KAT7: variants seen among roughly 807,000 people sequenced by gnomAD.
The protein encoded by KAT7 is histone acetyltransferase KAT7.
In KAT7, 10 loss-of-function variants were observed where a neutral mutation model predicts 82.1. The ratio of observed to expected loss-of-function variants is 0.12; its 90% CI spans 0.08 to 0.21. The LOEUF (loss-of-function observed/expected upper bound fraction) is 0.21, where lower values mean the gene tolerates loss of function less well. Ranked by LOEUF, KAT7 falls within the 10% of genes least tolerant of loss-of-function variation. KAT7 has a pLI of 1.00. For synonymous variants in KAT7, 250 were observed against 262.5 expected (o/e 0.95, Z 0.46); for missense variants, 378 against 760.9 (o/e 0.50, Z 5.92).
chr17:49,804,150 C>T (rs960070952), intron 4 of KAT7, among the ~76,000 whole-genome samples: 4 of 152,184 alleles, frequency 2.6e-5, no homozygotes, highest in South Asian at 4.2e-4. Flanking sequence ...GAGGCTGAGG[C>T]GGGCAGATCA....
intron 2 of KAT7, among the ~76,000 whole-genome samples, chr17:49,796,532 C>T (rs1172914213): frequency 6.6e-6 from 1 of 152,184 alleles, no homozygotes; most frequent in Non-Finnish European, 1.5e-5. Flanking sequence ...GTCCTAATTC[C>T]AGAACCTAAA....
intron 7 of KAT7, among the ~76,000 whole-genome samples, chr17:49,814,276 G>T (rs1351832721): frequency 6.6e-6 from 1 of 152,160 alleles, no homozygotes; most frequent in South Asian, 2.1e-4. Context: ...GATGGGTTGT[G>T]GGGTGAATTT....
At chr17:49,799,133 A>C (rs1371188628) in intron 4 of KAT7, among the ~76,000 whole-genome samples, 1 of 152,218 alleles carries the variant, frequency 6.6e-6, no homozygotes, top group Admixed American at 6.5e-5. Flanking sequence ...TTTACCCCTT[A>C]GTGAATTACT....
At chr17:49,793,028 G>A (rs964824469) in intron 2 of KAT7, among the ~76,000 whole-genome samples, 1 of 152,122 alleles carries the variant, frequency 6.6e-6, no homozygotes, top group African/African-American at 2.4e-5. Flanking sequence ...GTCTAGGCTG[G>A]TCTCAAACTC....
Position 49,825,404 on chromosome 17 carries a change from A to G in KAT7, c.1481-596A>G, listed in dbSNP as rs564144283. On this transcript the variant is annotated intron_variant, in intron 12 of 14. Transcript: ENST00000259021. ...CTCATCTCCCTTGTTTCCAACACAC[A>G]CCTACAGAGATTCATTATCAAAATA... Among the ~76,000 whole-genome samples the G allele has an allele frequency of 6.2e-4, 94 of 152,262 alleles. 1 individual carries two copies. In the South Asian group the frequency reaches 0.017, roughly 28 times the overall value.
intron 2 of KAT7, among the ~76,000 whole-genome samples, chr17:49,794,821 C>T (rs1191270035): frequency 5.9e-5 from 9 of 152,174 alleles, no homozygotes; most frequent in Non-Finnish European, 8.8e-5. Context: ...TGCACAACTC[C>T]AGGGGTACCA....
intron 8 of KAT7, among the ~76,000 whole-genome samples, chr17:49,816,526 T>G (rs1056736340): frequency 1.3e-5 from 2 of 152,182 alleles, no homozygotes; most frequent in South Asian, 4.1e-4. Context: ...TATAACAGAT[T>G]AAATGTGTTC....
chr17:49,805,784 G>A (rs548756565), intron 5 of KAT7, among the ~76,000 whole-genome samples: 4 of 152,264 alleles, frequency 2.6e-5, no homozygotes, highest in Middle Eastern at 3.4e-3. Flanking sequence ...GCATAAATAT[G>A]TGATCTTAAT....
rs777457211 is a variant in KAT7, at chr17:49,798,358, G to A, written c.380G>A (p.Arg127Gln). 3.7e-6 allele frequency: 6 copies of A among 1,613,998 alleles called. No homozygotes were observed. The highest frequency in any genetic ancestry group is 2.2e-5 in the East Asian group (1 of 44,898). ...GCTGATCATGATGAGTCACCGCCTCGAACTCCAACTGGAAATGCGCCTTCT... is the reference window on the plus strand; with the variant it reads ...GCTGATCATGATGAGTCACCGCCTCAAACTCCAACTGGAAATGCGCCTTCT... ...NTADHDESPP[R>Q]TPTGNAPSSE... Residue 127 changes from arginine to glutamine, a missense_variant, in exon 4 of 15, where the codon CGA (arginine) becomes CAA (glutamine). Coordinates refer to ENST00000259021, the MANE Select transcript of KAT7 (RefSeq NM_007067.5).
chr17:49,826,191 T>C, intron 13 of KAT7, 45 bp downstream of exon 13: 1 of 1,569,798 alleles, frequency 6.4e-7, no homozygotes, highest in Non-Finnish European at 8.8e-7. Flanking sequence ...ACCCAAGAAG[T>C]TAACTCTACT....
In KAT7 at chr17:49,830,201, TTTTTTTTAA is replaced by T. The variant is rs1241772914; in HGVS notation, c.*2700_*2708del. On this transcript the variant is annotated 3_prime_UTR_variant, in exon 15 of 15. Transcript: ENST00000259021. ...CCTATTTTTTTTTTTTTTTTTTTTT[TTTTTTTTAA>T]AAAAAGACAGTCTCACTCTATCATC... 1 of 138,912 alleles carries T rather than the reference TTTTTTTTAA, an allele frequency of 7.2e-6. No homozygotes were observed. The allele number at this position is 138,912 out of a possible 1,614,324, so 8.6% of individuals were successfully genotyped here. A position where few individuals can be genotyped will look rare whatever the true frequency, so the allele number is the denominator to read the frequency against.
intron 11 of KAT7, among the ~76,000 whole-genome samples, chr17:49,822,717 C>A (rs761539632): frequency 2.0e-5 from 3 of 152,110 alleles, no homozygotes; most frequent in African/African-American, 4.8e-5. Flanking sequence ...TCTACTCAAT[C>A]CCTCTCAGTT....
At chr17:49,817,444 T>G (rs2074247828) in intron 8 of KAT7, among the ~76,000 whole-genome samples, 1 of 152,182 alleles carries the variant, frequency 6.6e-6, no homozygotes, top group African/African-American at 2.4e-5. Flanking sequence ...CCTAGCGTGG[T>G]GGCATGCACA....
At chr17:49,794,488 G>A (rs987511366) in intron 2 of KAT7, among the ~76,000 whole-genome samples, 61 of 152,142 alleles carry the variant, frequency 4.0e-4, no homozygotes, top group African/African-American at 1.3e-3. Context: ...GTTTCACCGT[G>A]TTGTCCAGGC....
At chr17:49,796,674 T>G in intron 2 of KAT7, 76 bp from the exon 3 acceptor site, 1 of 1,157,008 alleles carries the variant, frequency 8.6e-7, no homozygotes, top group Non-Finnish European at 1.2e-6. Context: ...GGAGCGATAT[T>G]CTGATAAATT....
At chr17:49,808,530 A>G (rs1403907036) in intron 5 of KAT7, among the ~76,000 whole-genome samples, 10 of 150,100 alleles carry the variant, frequency 6.7e-5, no homozygotes, top group Non-Finnish European at 1.5e-4. Flanking sequence ...GGCTCACTGC[A>G]ACTTCTACCT....
chr17:49,827,641 G>A lies in KAT7; in HGVS notation c.*139G>A, dbSNP rs1478813621. 4.7e-6 allele frequency: 3 copies of A among 634,592 alleles called. No homozygotes were observed. Among genetic ancestry groups the A allele is most frequent in the African/African-American group, 1.8e-5 (1 of 54,606 alleles). 39.3% of individuals were successfully genotyped at this position (634,592 alleles called of 1,614,324 possible). On this transcript the variant is annotated 3_prime_UTR_variant, in exon 15 of 15. Coordinates refer to ENST00000259021, the MANE Select transcript of KAT7 (RefSeq NM_007067.5). ...AGGCCATCCCCCTCAGGACTGTCCTGGCTCCGACCTTTGTGTACACTGCAG... is the reference window on the plus strand; with the variant it reads ...AGGCCATCCCCCTCAGGACTGTCCTAGCTCCGACCTTTGTGTACACTGCAG...
chr17:49,825,606 A>G (rs948476767), intron 12 of KAT7, among the ~76,000 whole-genome samples: 1 of 152,214 alleles, frequency 6.6e-6, no homozygotes, highest in Non-Finnish European at 1.5e-5. Context: ...TTATTACAGT[A>G]TATTGTTATA....
chr17:49,805,905 ACT>A (rs1187629726), intron 5 of KAT7, among the ~76,000 whole-genome samples: 1 of 152,084 alleles, frequency 6.6e-6, no homozygotes, highest in East Asian at 1.9e-4. Flanking sequence ...ACTTTTTGTT[ACT>A]CTCAGTCACA....
Sources: gnomAD v4.1 joint callset for allele counts (sites outside exome capture counted in the v4.1 genomes callset) on GRCh38, gnomAD v4.1.1 for gene constraint, MANE v1.5 for transcripts, NCBI Gene and HGNC (gene_info 2026-07-23, HGNC 2026-07-21) for gene names.